RBFOX1: variants seen among roughly 807,000 people sequenced by gnomAD.
RBFOX1 encodes the protein RNA binding fox-1 homolog 1, also known as RNA binding protein fox-1 homolog 1.
RBFOX1 carries 8 observed loss-of-function variants against 57.7 expected under a neutral mutation model. The ratio of observed to expected loss-of-function variants is 0.14; its 90% CI spans 0.08 to 0.25. RBFOX1 has a LOEUF of 0.25. Among genes scored for constraint, RBFOX1 ranks in the 10% least tolerant of loss-of-function variants. The probability of loss-of-function intolerance (pLI) is 1.00; values close to 1 mark genes in which losing one functional copy is unlikely to be tolerated. For missense variants in RBFOX1, 611 were observed against 548.5 expected (o/e 1.11, Z -1.14); for synonymous variants, 326 against 222.4 (o/e 1.47, Z -4.15).
At chr16:7,636,027 A>G (rs1249432551) in intron 11 of RBFOX1, among the ~76,000 whole-genome samples, 4 of 152,116 alleles carry the variant, frequency 2.6e-5, no homozygotes, top group East Asian at 3.9e-4. Context: ...AGCCAGGATG[A>G]TCTCAATCTC....
intron 3 of RBFOX1, among the ~76,000 whole-genome samples, chr16:5,771,712 A>G (rs1228193052): frequency 6.6e-6 from 1 of 152,124 alleles, no homozygotes; most frequent in Non-Finnish European, 1.5e-5. Context: ...CCCCACCAAA[A>G]GCATCTCATT....
chr16:5,388,310 G>C (rs981969395), intron 1 of RBFOX1, among the ~76,000 whole-genome samples: 1 of 152,130 alleles, frequency 6.6e-6, no homozygotes, highest in African/African-American at 2.4e-5. Flanking sequence ...TCTTTGTAGT[G>C]GGAGGCTTCG....
Position 6,261,375 on chromosome 16 carries a change from A to G in RBFOX1, c.-126-55620A>G, listed in dbSNP as rs148476893. Among the ~76,000 whole-genome samples, 994 of 152,272 alleles carry G rather than the reference A, an allele frequency of 6.5e-3. 36 individuals are homozygous for G. Among genetic ancestry groups the G allele is most frequent in the East Asian group, 0.048 (248 of 5,170 alleles). On this transcript the variant is annotated intron_variant, in intron 1 of 15. Coordinates refer to ENST00000550418, the MANE Select transcript of RBFOX1 (RefSeq NM_018723.4). Reference sequence around the variant, plus strand: ...GTTTTTTTCTCTACCTAGTACCAAAATAGTACGTCAAAGCAAAAGCAACTT... The same window carrying G: ...GTTTTTTTCTCTACCTAGTACCAAAGTAGTACGTCAAAGCAAAAGCAACTT...
intron 1 of RBFOX1, among the ~76,000 whole-genome samples, chr16:5,360,064 G>C (rs946497200): frequency 6.6e-6 from 1 of 152,196 alleles, no homozygotes; most frequent in Admixed American, 6.5e-5. Context: ...CCCTGCAAAG[G>C]TTGGGTAGTC....
chr16:5,390,433 C>T (rs895840663), intron 1 of RBFOX1, among the ~76,000 whole-genome samples: 21 of 151,606 alleles, frequency 1.4e-4, no homozygotes, highest in Admixed American at 3.9e-4. Flanking sequence ...GGATTACAGG[C>T]GCCCACGACT....
At chr16:6,147,493 G>A (rs890779045) in intron 1 of RBFOX1, among the ~76,000 whole-genome samples, 2 of 152,150 alleles carry the variant, frequency 1.3e-5, no homozygotes, top group African/African-American at 4.8e-5. Flanking sequence ...CAGAGAGGCT[G>A]TGTGTCCACC....
intron 4 of RBFOX1, among the ~76,000 whole-genome samples, chr16:7,217,486 G>A (rs1038494748): frequency 6.6e-6 from 1 of 151,802 alleles, no homozygotes; most frequent in Admixed American, 6.6e-5. Context: ...TGGAAGCTTT[G>A]TTCCTGGTGT....
At chr16:5,773,095 G>C (rs1490064503) in intron 3 of RBFOX1, among the ~76,000 whole-genome samples, 1 of 152,108 alleles carries the variant, frequency 6.6e-6, no homozygotes, top group Non-Finnish European at 1.5e-5. Flanking sequence ...GATGTGAAGG[G>C]TCTCAGGAAG....
intron 4 of RBFOX1, among the ~76,000 whole-genome samples, chr16:5,963,947 C>T (rs932281054): frequency 6.6e-6 from 1 of 152,000 alleles, no homozygotes; most frequent in Non-Finnish European, 1.5e-5. Flanking sequence ...AGGAAACCCT[C>T]AACAAAATGG....
chr16:7,388,126 G>A (rs1307511398), intron 4 of RBFOX1, among the ~76,000 whole-genome samples: 1 of 151,488 alleles, frequency 6.6e-6, no homozygotes, highest in Non-Finnish European at 1.5e-5. Context: ...AGTGTTTATT[G>A]TGTTTGCATA....
intron 3 of RBFOX1, among the ~76,000 whole-genome samples, chr16:5,739,259 A>T (rs1270517282): frequency 2.0e-5 from 3 of 152,216 alleles, no homozygotes; most frequent in Admixed American, 2.0e-4. Flanking sequence ...TCCAATATGG[A>T]TATTAAGGCT....
At chr16:7,133,056 C>A (rs1531560) in intron 4 of RBFOX1, among the ~76,000 whole-genome samples, 138,514 of 152,208 alleles carry the variant, frequency 0.91, 63,226 homozygotes, top group East Asian at 1. Flanking sequence ...TATTTTCTTG[C>A]GTTTCAGAAG....
intron 2 of RBFOX1, among the ~76,000 whole-genome samples, chr16:6,608,889 AGAG>A (rs1334829037): frequency 6.6e-6 from 1 of 152,208 alleles, no homozygotes; most frequent in Non-Finnish European, 1.5e-5. Context: ...TTGAGCCTGT[AGAG>A]GAGATCTTTT....
intron 4 of RBFOX1, among the ~76,000 whole-genome samples, chr16:7,251,714 C>G (rs924599325): frequency 2.0e-5 from 3 of 152,124 alleles, no homozygotes; most frequent in African/African-American, 4.8e-5. Flanking sequence ...GCCACAGTGC[C>G]TGGTCATGTC....
intron 3 of RBFOX1, among the ~76,000 whole-genome samples, chr16:6,762,430 C>T (rs1469851176): frequency 6.6e-6 from 1 of 151,980 alleles, no homozygotes; most frequent in Non-Finnish European, 1.5e-5. Context: ...CCACCACCGA[C>T]AATGAAATTA....
chr16:7,232,763 C>G (rs1409251939), intron 4 of RBFOX1, among the ~76,000 whole-genome samples: 15 of 151,124 alleles, frequency 9.9e-5, no homozygotes, highest in African/African-American at 3.2e-4. Context: ...ATTGCTTGAA[C>G]CTGGGAGGGG....
At chr16:6,522,555 A>G (rs958363932) in intron 2 of RBFOX1, among the ~76,000 whole-genome samples, 4 of 152,190 alleles carry the variant, frequency 2.6e-5, no homozygotes, top group Non-Finnish European at 5.9e-5. Context: ...AGCTGTTTCT[A>G]TTAATTTAGC....
intron 4 of RBFOX1, among the ~76,000 whole-genome samples, chr16:7,371,777 A>G (rs558226322): frequency 1.3e-5 from 2 of 152,170 alleles, no homozygotes; most frequent in Non-Finnish European, 2.9e-5. Context: ...ATATGTAGAT[A>G]TATGATACAT....
At chr16:7,584,220 G>T (rs1028024889) in intron 6 of RBFOX1, among the ~76,000 whole-genome samples, 1 of 152,102 alleles carries the variant, frequency 6.6e-6, no homozygotes, top group Non-Finnish European at 1.5e-5. Flanking sequence ...GAGAAATATT[G>T]TTTGATCTGA....
Sources: allele counts gnomAD v4.1 joint callset (sites outside exome capture counted in the v4.1 genomes callset), GRCh38; gene constraint gnomAD v4.1.1; transcripts MANE v1.5; gene names NCBI Gene and HGNC (gene_info 2026-07-23, HGNC 2026-07-21).